The following UNC13C variants were observed in gnomAD, a reference collection of about 807,000 sequenced individuals.
The protein encoded by UNC13C is unc-13 homolog C.
In UNC13C, 174 loss-of-function variants were observed where a neutral mutation model predicts 245.4. That is an observed-to-expected ratio of 0.71 (90% CI 0.63 to 0.80). The LOEUF is 0.80. UNC13C is among the 30% of genes least tolerant of loss of function. The pLI is 0.00. For synonymous variants in UNC13C, 992 were observed against 895.1 expected, an observed-to-expected ratio of 1.11 and a Z score of -1.93; for missense variants, 2,829 against 2,602.9, an observed-to-expected ratio of 1.09 and a Z score of -1.89.
intron 17 of UNC13C, among the ~76,000 whole-genome samples, chr15:54,367,101 A>G (rs2039382787): frequency 6.6e-6 from 1 of 152,196 alleles, no homozygotes; most frequent in Non-Finnish European, 1.5e-5. Context: ...TAAATCTATT[A>G]GTATTAAAAT....
At chr15:54,494,502 T>C (rs1893863689) in intron 19 of UNC13C, 106 bp from the exon 20 acceptor site, 3 of 1,103,364 alleles carry the variant, frequency 2.7e-6, no homozygotes, top group Non-Finnish European at 3.7e-6. Flanking sequence ...ACATCTAATA[T>C]ACTATTTTCT....
the UNC13C span, among the ~76,000 whole-genome samples, chr15:53,953,787 C>A: frequency 2.8e-4 from 42 of 152,338 alleles, no homozygotes; most frequent in Admixed American, 7.8e-4. Flanking sequence ...TGTTAAATTG[C>A]CTCTAAGCTA....
intron 1 of UNC13C, among the ~76,000 whole-genome samples, chr15:53,987,734 G>C (rs10518747): frequency 6.8e-4 from 103 of 152,122 alleles, no homozygotes; most frequent in African/African-American, 2.4e-3. Context: ...ACAAAATTCA[G>C]TGTAGCAATC....
Position 54,204,620 on chromosome 15 carries a change from A to C in UNC13C, c.3072-30410A>C, listed in dbSNP as rs1596001625. 8.5e-5 allele frequency among the ~76,000 whole-genome samples: 13 copies of C among 152,154 alleles called. 1 individual carries two copies. The South Asian group carries it at 2.5e-3, about 29-fold the overall frequency. On this transcript the variant is annotated intron_variant, in intron 4 of 32. Transcript: ENST00000260323. The stretch of plus-strand genomic sequence containing the variant: ...TTTTTATTCACTCAAGAAAGTTGTA[A>C]AACTTTTCTGCAAAACAAAGCAAAA...
chr15:54,112,622 G>C (rs548590245), intron 2 of UNC13C, among the ~76,000 whole-genome samples: 1 of 152,114 alleles, frequency 6.6e-6, no homozygotes, highest in Non-Finnish European at 1.5e-5. Flanking sequence ...ACATTCACTC[G>C]TGCAAGCTTC....
At chr15:54,028,386 C>T (rs547205567) in intron 2 of UNC13C, among the ~76,000 whole-genome samples, 3 of 152,252 alleles carry the variant, frequency 2.0e-5, no homozygotes, top group Admixed American at 6.5e-5. Flanking sequence ...AACTAGTCTC[C>T]GTCTCTATTT....
intron 19 of UNC13C, among the ~76,000 whole-genome samples, chr15:54,469,225 CA>C (rs1402481063): frequency 2.0e-5 from 3 of 151,548 alleles, no homozygotes; most frequent in East Asian, 3.9e-4. Flanking sequence ...CTAATTCAAA[CA>C]GTTTATTATT....
At chr15:54,426,961 C>G (rs1774961181) in intron 19 of UNC13C, among the ~76,000 whole-genome samples, 1 of 151,828 alleles carries the variant, frequency 6.6e-6, no homozygotes, top group African/African-American at 2.4e-5. Context: ...GAATTCAGTG[C>G]TAAAACCTGA....
rs79925082 is a variant in UNC13C, at chr15:54,029,400, A to G, written c.2983+13514A>G. 1.2e-4 allele frequency among the ~76,000 whole-genome samples: 18 copies of G among 152,326 alleles called. No homozygotes were observed. In the East Asian group the frequency reaches 3.3e-3, roughly 28 times the overall value. ...ACACGTGGTTTCCTTCCTTGATACT[A>G]TTATGATCCGGTTCAAGTGAATTCA... On this transcript the variant is annotated intron_variant, in intron 2 of 32. Coordinates refer to ENST00000260323, the MANE Select transcript of UNC13C (RefSeq NM_001080534.3).
chr15:54,481,316 G>T (rs539839906), intron 19 of UNC13C, among the ~76,000 whole-genome samples: 1 of 152,228 alleles, frequency 6.6e-6, no homozygotes, highest in South Asian at 2.1e-4. Context: ...GTGCATGCTG[G>T]AGCCAGCAGT....
intron 17 of UNC13C, among the ~76,000 whole-genome samples, chr15:54,364,965 C>T (rs1360191537): frequency 2.0e-5 from 3 of 152,178 alleles, no homozygotes; most frequent in Admixed American, 1.3e-4. Flanking sequence ...CTTACACTAG[C>T]GCTATGTCTA....
chr15:54,311,611 G>A (rs1040535463), intron 13 of UNC13C, among the ~76,000 whole-genome samples: 1 of 151,516 alleles, frequency 6.6e-6, no homozygotes, highest in African/African-American at 2.4e-5. Context: ...TATGCACCAA[G>A]ATCATTTCAT....
intron 30 of UNC13C, among the ~76,000 whole-genome samples, chr15:54,617,031 C>G (rs937857454): frequency 6.6e-6 from 1 of 152,090 alleles, no homozygotes; most frequent in Non-Finnish European, 1.5e-5. Flanking sequence ...GAACAATAAA[C>G]TATACCCTAC....
intron 30 of UNC13C, among the ~76,000 whole-genome samples, chr15:54,598,976 T>C (rs530937029): frequency 6.6e-6 from 1 of 152,172 alleles, no homozygotes; most frequent in Non-Finnish European, 1.5e-5. Flanking sequence ...AATTGTGCTA[T>C]GGTAAAATAA....
intron 2 of UNC13C, among the ~76,000 whole-genome samples, chr15:54,056,082 C>A (rs1429303137): frequency 1.3e-5 from 2 of 152,144 alleles, no homozygotes; most frequent in Non-Finnish European, 2.9e-5. Flanking sequence ...CGCAGCTCCT[C>A]ACCAGCAACG....
the UNC13C span, among the ~76,000 whole-genome samples, chr15:53,954,021 C>G: frequency 2.0e-5 from 3 of 152,212 alleles, no homozygotes; most frequent in Admixed American, 1.3e-4. Flanking sequence ...CAAGGCAGCA[C>G]AGCTTTTCAT....
intron 14 of UNC13C, among the ~76,000 whole-genome samples, chr15:54,324,924 C>CAAA (rs1260987541): frequency 6.6e-6 from 1 of 152,008 alleles, no homozygotes; most frequent in African/African-American, 2.4e-5. Flanking sequence ...TAGCCCAATA[C>CAAA]AAATTCGTAA....
At chr15:54,341,308 A>G (rs2038722847) in intron 17 of UNC13C, among the ~76,000 whole-genome samples, 1 of 152,204 alleles carries the variant, frequency 6.6e-6, no homozygotes, top group Admixed American at 6.5e-5. Flanking sequence ...CTTTGCAGCA[A>G]CATGGATGTG....
At chr15:54,001,607 G>A (rs1441315178) in intron 1 of UNC13C, among the ~76,000 whole-genome samples, 4 of 152,112 alleles carry the variant, frequency 2.6e-5, no homozygotes, top group Non-Finnish European at 5.9e-5. Flanking sequence ...GATGGGAATC[G>A]TATTATTTAA....
Sources: allele counts gnomAD v4.1 joint callset (sites outside exome capture counted in the v4.1 genomes callset), GRCh38; gene constraint gnomAD v4.1.1; transcripts MANE v1.5; gene names NCBI Gene and HGNC (gene_info 2026-07-23, HGNC 2026-07-21).